Variants in RP1 observed in about 807,000 individuals in gnomAD.
RP1 encodes the protein RP1 axonemal microtubule associated.
RP1 carries 16 observed loss-of-function variants against 14.8 expected under a neutral mutation model. That is an observed-to-expected ratio of 1.08 (90% CI 0.73 to 1.65). The LOEUF (loss-of-function observed/expected upper bound fraction) is 1.65, where lower values mean the gene tolerates loss of function less well. Ranked by LOEUF, RP1 falls within the 40% of genes most tolerant of loss-of-function variation. The pLI is 0.00. For missense variants in RP1, 2,631 were observed against 2,535.0 expected (o/e 1.04, Z -0.81); for synonymous variants, 876 against 883.6 (o/e 0.99, Z 0.15).
chr8:54,846,297 C>G (rs1811918809), intron 25 of RP1, among the ~76,000 whole-genome samples: 1 of 152,210 alleles, frequency 6.6e-6, no homozygotes, highest in Non-Finnish European at 1.5e-5. Context: ...CAGGTTACTG[C>G]TATATCTGCA....
At chr8:54,697,574 A>T (rs113773625) in intron 12 of RP1, among the ~76,000 whole-genome samples, 3,687 of 152,164 alleles carry the variant, frequency 0.024, 161 homozygotes, top group African/African-American at 0.083. Context: ...AAAAGAAAAG[A>T]CAGTAGCTTA....
At chr8:54,804,147 G>GC (rs1047374935) in intron 24 of RP1, among the ~76,000 whole-genome samples, 2 of 151,752 alleles carry the variant, frequency 1.3e-5, no homozygotes, top group Admixed American at 1.3e-4. Context: ...CATATGTGGG[G>GC]GGGGGCTAGG....
Position 54,628,602 on chromosome 8 carries a change from G to C in RP1, c.4720G>C (p.Glu1574Gln), listed in dbSNP as rs1265888132. 2 of 1,613,896 alleles carry C rather than the reference G, an allele frequency of 1.2e-6. No individual in the cohort carries two copies. Among genetic ancestry groups the C allele is most frequent in the East Asian group, 2.2e-5 (1 of 44,882 alleles). ...AACTATGGAAACTGGAAGTTATTCA[G>C]AGTCCTCTCCTGATTTAAAAAAATG... ...VKTMETGSYS[E>Q]SSPDLKKCIK... Residue 1574 changes from glutamate to glutamine, a missense_variant, in exon 4 of 4, where the codon GAG becomes CAG. Coordinates refer to ENST00000220676, the MANE Select transcript of RP1 (RefSeq NM_006269.2).
intron 3 of RP1, among the ~76,000 whole-genome samples, chr8:54,640,127 A>G (rs1224008862): frequency 6.6e-6 from 1 of 150,896 alleles, no homozygotes; most frequent in Non-Finnish European, 1.5e-5. Flanking sequence ...TTTTTTTTTA[A>G]ATATACTGTG....
downstream of RP1, among the ~76,000 whole-genome samples, chr8:54,770,510 G>A (rs1809875428): frequency 1.3e-5 from 2 of 150,470 alleles, no homozygotes; most frequent in Non-Finnish European, 3.0e-5. Flanking sequence ...TAAAAACACA[G>A]TATATTTAAA....
rs1805864069 is a variant in RP1 at position 54,621,360 on chromosome 8, G to T, written c.394G>T (p.Ala132Ser). Residue 132 changes from alanine to serine, a missense_variant, in exon 2 of 4, where the codon GCC becomes TCC. Ala to Ser is a moderately conservative substitution (Grantham distance 99, BLOSUM62 1). Transcript: ENST00000220676. ...CCCGCGGCCCTGGCTCAGCAGCCGG[G>T]CCATTAGCGCGCACTCACCGCCCCA... is the stretch of plus-strand genomic sequence containing the variant. Reference protein sequence around the residue: ...RRPRPWLSSRAISAHSPPHPV... With the variant: ...RRPRPWLSSRSISAHSPPHPV... The T allele has an allele frequency of 1.2e-6, 2 of 1,611,918 alleles. No individual in the cohort carries two copies. Among genetic ancestry groups the T allele is most frequent in the Non-Finnish European group, 1.7e-6 (2 of 1,179,258 alleles).
intron 1 of RP1, among the ~76,000 whole-genome samples, chr8:54,581,576 A>G (rs907089591): frequency 2.6e-5 from 4 of 152,194 alleles, no homozygotes; most frequent in African/African-American, 4.8e-5. Flanking sequence ...CTGAGGAATC[A>G]CCACACTGAC....
chr8:54,740,379 T>C (rs1022134653), intron 19 of RP1, among the ~76,000 whole-genome samples: 4 of 144,164 alleles, frequency 2.8e-5, no homozygotes, highest in Admixed American at 6.9e-5. Flanking sequence ...CATGTCTTTA[T>C]TTTTAACAAG....
chr8:54,569,943 G>C (rs2129292650), intron 1 of RP1, among the ~76,000 whole-genome samples: 1 of 152,310 alleles, frequency 6.6e-6, no homozygotes, highest in South Asian at 2.1e-4. Flanking sequence ...AGACCTGGAG[G>C]ACGAGTGGGA....
intron 15 of RP1, among the ~76,000 whole-genome samples, chr8:54,716,022 A>T (rs1358394455): frequency 2.0e-5 from 3 of 152,230 alleles, no homozygotes; most frequent in Admixed American, 2.0e-4. Context: ...GTAAAATGAC[A>T]TTGATTTTTA....
At chr8:54,715,084 G>A (rs911138852) in intron 15 of RP1, among the ~76,000 whole-genome samples, 2 of 152,264 alleles carry the variant, frequency 1.3e-5, no homozygotes, top group African/African-American at 4.8e-5. Context: ...AAGAACTGAC[G>A]TTTTGGTAAG....
intron 1 of RP1, among the ~76,000 whole-genome samples, chr8:54,578,323 C>T (rs1375196619): frequency 6.6e-6 from 1 of 152,140 alleles, no homozygotes; most frequent in African/African-American, 2.4e-5. Flanking sequence ...CCTCTTGTCT[C>T]AGCCTCCTGA....
Position 54,627,060 on chromosome 8 carries a change from A to G in RP1, c.3178A>G (p.Arg1060Gly). 1.2e-6 allele frequency: 2 copies of G among 1,614,082 alleles called. No homozygotes were observed. Among genetic ancestry groups the G allele is most frequent in the Non-Finnish European group, 1.7e-6 (2 of 1,179,954 alleles). Reference sequence around the variant, plus strand: ...TGTTTACCAGGAAATAAACCTAGCTAGAAAAAGGCAAAGTGTAGAGGCTGC... The same window carrying G: ...TGTTTACCAGGAAATAAACCTAGCTGGAAAAAGGCAAAGTGTAGAGGCTGC... ...KLVYQEINLARKRQSVEAAIQ... is the reference protein window; with the variant it reads ...KLVYQEINLAGKRQSVEAAIQ... The change falls in exon 4 of 4, where the codon AGA becomes GGA. Residue 1060 changes from arginine (R) to glycine (G), a missense_variant. Transcript: ENST00000220676.
intron 24 of RP1, among the ~76,000 whole-genome samples, chr8:54,802,637 C>T (rs1199423669): frequency 1.3e-5 from 2 of 152,156 alleles, no homozygotes; most frequent in South Asian, 2.1e-4. Context: ...ATTTCAATGT[C>T]GTTCAGCAAG....
At chr8:54,741,193 TA>T (rs1313968500) in intron 19 of RP1, among the ~76,000 whole-genome samples, 11 of 152,094 alleles carry the variant, frequency 7.2e-5, no homozygotes, top group African/African-American at 2.4e-4. Flanking sequence ...AAAAGAAAAA[TA>T]TTTTTTATGA....
chr8:54,701,464 G>T (rs1585619371), intron 13 of RP1: 2 of 1,491,134 alleles, frequency 1.3e-6, no homozygotes, highest in Middle Eastern at 1.7e-4. Flanking sequence ...AATTTAGAGG[G>T]TTTTTTTGTT....
At chr8:54,562,096 A>G (rs1274715017) in intron 1 of RP1, among the ~76,000 whole-genome samples, 1 of 152,232 alleles carries the variant, frequency 6.6e-6, no homozygotes, top group African/African-American at 2.4e-5. Context: ...AGATCCTGAC[A>G]GTTAAAATTA....
intron 1 of RP1, among the ~76,000 whole-genome samples, chr8:54,578,588 T>A (rs1230424916): frequency 6.6e-6 from 1 of 152,218 alleles, no homozygotes; most frequent in Non-Finnish European, 1.5e-5. Flanking sequence ...ATATTTCATT[T>A]CTTTTGCCTC....
Position 54,627,375 on chromosome 8 carries a change from G to A in RP1, c.3493G>A (p.Glu1165Lys). 1 of 1,614,126 alleles carries A rather than the reference G, an allele frequency of 6.2e-7. No individual in the cohort carries two copies. The highest frequency in any genetic ancestry group is 2.2e-5 in the East Asian group (1 of 44,880). ...NKSSETLALL[E>K]ILKHIAITEE... ...ATCTTCAGAAACACTTGCATTGTTGGAGATTCTAAAGCACATAGCTATCAC... is the reference window on the plus strand; with the variant it reads ...ATCTTCAGAAACACTTGCATTGTTGAAGATTCTAAAGCACATAGCTATCAC... The change falls in exon 4 of 4, where the codon GAG becomes AAG. Residue 1165 changes from glutamate to lysine, a missense_variant. Coordinates refer to ENST00000220676, the MANE Select transcript of RP1 (RefSeq NM_006269.2).
Sources: allele counts gnomAD v4.1 joint callset (sites outside exome capture counted in the v4.1 genomes callset), GRCh38; gene constraint gnomAD v4.1.1; transcripts MANE v1.5; gene names NCBI Gene and HGNC (gene_info 2026-07-23, HGNC 2026-07-21).